SVIL: variants seen among roughly 807,000 people sequenced by gnomAD.
SVIL encodes archvillin.
In SVIL, 101 loss-of-function variants were observed where a neutral mutation model predicts 240.4. That is an observed-to-expected ratio of 0.42 (90% CI 0.36 to 0.50). SVIL has a LOEUF of 0.50. Among genes scored for constraint, SVIL ranks in the 20% least tolerant of loss-of-function variants. The probability of loss-of-function intolerance (pLI) is 0.01; values close to 1 mark genes in which losing one functional copy is unlikely to be tolerated. For synonymous variants in SVIL, 999 were observed against 1,100.0 expected (o/e 0.91, Z 1.82); for missense variants, 2,512 against 2,818.7 (o/e 0.89, Z 2.46).
intron 3 of SVIL, among the ~76,000 whole-genome samples, chr10:29,642,570 A>T (rs1469461758): frequency 6.6e-6 from 1 of 152,006 alleles, no homozygotes; most frequent in Admixed American, 6.6e-5. Flanking sequence ...GTTAGCAGAG[A>T]CTCCATGACA....
chr10:29,499,455 T>C (rs573403394), intron 17 of SVIL, among the ~76,000 whole-genome samples, 192 bp from the exon 18 acceptor site: 178 of 152,346 alleles, frequency 1.2e-3, no homozygotes, highest in African/African-American at 4.0e-3. Flanking sequence ...GAGATCACCA[T>C]TGGCGATGCT....
chr10:29,705,101 T>C (rs1416774343), intron 1 of SVIL, among the ~76,000 whole-genome samples: 6 of 152,060 alleles, frequency 3.9e-5, no homozygotes, highest in Non-Finnish European at 8.8e-5. Context: ...AACCTTGAAG[T>C]AGCATTGGAA....
chr10:29,716,341 T>A (rs1963609410), intron 1 of SVIL, among the ~76,000 whole-genome samples: 1 of 152,234 alleles, frequency 6.6e-6, no homozygotes, highest in Admixed American at 6.5e-5. Flanking sequence ...TTTATCACTT[T>A]GAAAATTTTG....
intron 5 of SVIL, among the ~76,000 whole-genome samples, 175 bp from the exon 6 acceptor site, chr10:29,551,438 G>A (rs1275848948): frequency 2.0e-5 from 3 of 152,240 alleles, no homozygotes; most frequent in African/African-American, 7.2e-5. Flanking sequence ...TGTTGAAGAA[G>A]TCTGAGATCG....
chr10:29,536,133 T>C, intron 6 of SVIL, 64 bp from the exon 7 acceptor site: 1 of 1,479,628 alleles, frequency 6.8e-7, no homozygotes, highest in South Asian at 1.2e-5. Flanking sequence ...ACACAGACTT[T>C]ACCATAACTT....
chr10:29,563,496 A>AC (rs1188138816), intron 2 of SVIL, among the ~76,000 whole-genome samples: 20 of 152,172 alleles, frequency 1.3e-4, no homozygotes, highest in African/African-American at 4.6e-4. Context: ...TTTTTGTGCA[A>AC]CTAATTACAG....
intron 12 of SVIL, among the ~76,000 whole-genome samples, chr10:29,528,658 A>G (rs771653587): frequency 2.0e-4 from 30 of 152,062 alleles, no homozygotes; most frequent in Admixed American, 2.0e-4. Flanking sequence ...GGGTCAATTG[A>G]GCCCAGGAGG....
chr10:29,602,093 T>C (rs1360917302), intron 1 of SVIL, among the ~76,000 whole-genome samples: 1 of 152,232 alleles, frequency 6.6e-6, no homozygotes, highest in East Asian at 1.9e-4. Flanking sequence ...CCCTGGATTA[T>C]TAGGTTATAT....
At chr10:29,635,115 A>G (rs11007676), upstream of SVIL, 6,302 of 152,306 alleles carry the variant, frequency 0.041, 461 homozygotes, top group African/African-American at 0.15. Flanking sequence ...TTCAAATGCA[A>G]TTAGGTTGTC....
chr10:29,587,192 C>A (rs1956206372), intron 1 of SVIL, among the ~76,000 whole-genome samples: 2 of 152,246 alleles, frequency 1.3e-5, no homozygotes, highest in Admixed American at 1.3e-4. Context: ...TGTTCTCCAA[C>A]CAACCCATAA....
chr10:29,621,810 AG>A (rs1957653718), intron 1 of SVIL, among the ~76,000 whole-genome samples: 1 of 152,040 alleles, frequency 6.6e-6, no homozygotes. Context: ...AAGATTTATG[AG>A]GAAAAGCTAA....
chr10:29,622,245 G>T (rs1272379028), intron 1 of SVIL, among the ~76,000 whole-genome samples: 1 of 56,098 alleles, frequency 1.8e-5, no homozygotes, highest in Non-Finnish European at 3.3e-5. Context: ...GTGAGACTCC[G>T]TCTCAAAAAA....
intron 1 of SVIL, among the ~76,000 whole-genome samples, chr10:29,697,074 C>G (rs1179817022): frequency 1.0e-4 from 13 of 125,774 alleles, no homozygotes; most frequent in East Asian, 2.8e-4. Flanking sequence ...GGCGCCTCTG[C>G]CCGGCCACCC....
chr10:29,589,665 C>T (rs116271158), intron 1 of SVIL, among the ~76,000 whole-genome samples: 170 of 152,254 alleles, frequency 1.1e-3, no homozygotes, highest in African/African-American at 3.9e-3. Flanking sequence ...TAGCTGCTGG[C>T]TACTGACTTG....
chr10:29,716,337 A>C (rs1963608994), intron 1 of SVIL, among the ~76,000 whole-genome samples: 1 of 152,216 alleles, frequency 6.6e-6, no homozygotes, highest in Non-Finnish European at 1.5e-5. Flanking sequence ...CTAATTTATC[A>C]CTTTGAAAAT....
In SVIL at chr10:29,532,161, A is replaced by C; in HGVS notation, c.1850T>G (p.Val617Gly). 1.2e-6 allele frequency: 2 copies of C among 1,613,560 alleles called. No homozygotes were observed. The highest frequency in any genetic ancestry group is 1.1e-5 in the South Asian group (1 of 91,032). Residue 617 changes from valine (V) to glycine (G), a missense_variant, in exon 9 of 38, where the codon GTG (valine) becomes GGG (glycine). By Grantham distance (109) the Val-to-Gly change is moderately radical. Coordinates refer to ENST00000355867, the MANE Select transcript of SVIL (RefSeq NM_021738.3). ...ACRRPELKSRVERSAEGPGLP... is the reference protein window; with the variant it reads ...ACRRPELKSRGERSAEGPGLP... ...GCCAGGTCCTTCAGCCGACCTCTCCACCCGTGATTTGCTTTGAGAATCAAA... is the reference window on the plus strand; with the variant it reads ...GCCAGGTCCTTCAGCCGACCTCTCCCCCCGTGATTTGCTTTGAGAATCAAA...
chr10:29,517,137 C>T (rs956799544), intron 16 of SVIL, among the ~76,000 whole-genome samples: 5 of 152,102 alleles, frequency 3.3e-5, no homozygotes, highest in East Asian at 1.9e-4. Context: ...GAGGGCCAGG[C>T]GTGGTGGCTC....
At chr10:29,700,467 C>CCTTT (rs1962423325) in intron 1 of SVIL, among the ~76,000 whole-genome samples, 1 of 98,704 alleles carries the variant, frequency 1.0e-5, no homozygotes, top group African/African-American at 3.7e-5. Flanking sequence ...CTTACTATTT[C>CCTTT]CTTTTTTTTT....
At chr10:29,620,469 C>T (rs930666084) in intron 1 of SVIL, among the ~76,000 whole-genome samples, 8 of 152,124 alleles carry the variant, frequency 5.3e-5, no homozygotes, top group South Asian at 4.1e-4. Flanking sequence ...GGTGGCAACT[C>T]GGATAGTCAA....
Sources: allele counts gnomAD v4.1 joint callset (sites outside exome capture counted in the v4.1 genomes callset), GRCh38; gene constraint gnomAD v4.1.1; transcripts MANE v1.5; gene names NCBI Gene and HGNC (gene_info 2026-07-23, HGNC 2026-07-21).